Variants in RAD54B observed in about 807,000 individuals in gnomAD.
RAD54B encodes the protein DNA repair and recombination protein RAD54B.
Under a neutral mutation model 95.8 loss-of-function variants are expected in RAD54B, and 78 were observed. The observed-to-expected ratio is 0.81, with a 90% CI of 0.68 to 0.98. RAD54B has a LOEUF of 0.98. RAD54B is among the 50% of genes least tolerant of loss of function. The pLI is 0.00. For synonymous variants in RAD54B, 328 were observed against 354.9 expected, an observed-to-expected ratio of 0.92 and a Z score of 0.85; for missense variants, 957 against 1,056.6, an observed-to-expected ratio of 0.91 and a Z score of 1.31.
intron 3 of RAD54B, among the ~76,000 whole-genome samples, chr8:94,452,749 G>A (rs1481236676): frequency 2.0e-5 from 3 of 151,884 alleles, no homozygotes; most frequent in Non-Finnish European, 2.9e-5. Context: ...CACCCATCTC[G>A]GCCTCCCAAA....
chr8:94,372,677 T>A (rs1260611764), intron 14 of RAD54B, among the ~76,000 whole-genome samples: 2 of 152,174 alleles, frequency 1.3e-5, no homozygotes, highest in Non-Finnish European at 2.9e-5. Flanking sequence ...CTGAAAAATG[T>A]ATTACAAATT....
chr8:94,449,014 G>T (rs188479130), intron 3 of RAD54B, among the ~76,000 whole-genome samples: 7 of 149,978 alleles, frequency 4.7e-5, no homozygotes, highest in African/African-American at 7.4e-5. Context: ...ATATATGTAC[G>T]TGTGTGCACA....
intron 3 of RAD54B, 142 bp downstream of exon 3, chr8:94,458,126 C>T: frequency 1.4e-6 from 1 of 724,746 alleles, no homozygotes; most frequent in East Asian, 3.2e-5. Flanking sequence ...ATTATGACAA[C>T]AAAAAACCTG....
chr8:94,431,758 C>T, intron 3 of RAD54B: 1 of 996,256 alleles, frequency 1.0e-6, no homozygotes, highest in Non-Finnish European at 1.2e-6. Flanking sequence ...CTAAATTAGA[C>T]TGACTTAAAA....
At chr8:94,387,436 G>A (rs1810914627) in intron 10 of RAD54B, 2 of 246,068 alleles carry the variant, frequency 8.1e-6, no homozygotes, top group Non-Finnish European at 1.5e-5. Flanking sequence ...TGTAACTACA[G>A]GAAGTAGGAG....
At chr8:94,424,971 T>C (rs1586158813) in intron 3 of RAD54B, among the ~76,000 whole-genome samples, 1 of 148,874 alleles carries the variant, frequency 6.7e-6, no homozygotes, top group Non-Finnish European at 1.5e-5. Flanking sequence ...TTGAGGCAGG[T>C]AGGTTGCTTG....
At position 94,386,388 on chromosome 8, in the gene RAD54B, T is replaced by C. The variant is rs563481452; in HGVS notation, c.1985+596A>G. On this transcript the variant is annotated intron_variant, in intron 11 of 14. Coordinates refer to ENST00000336148, the MANE Select transcript of RAD54B (RefSeq NM_012415.3). ...TCACATGGTTTTGGACCTGGGAAGT[T>C]TGAAGTACTATAGGACATCAAGATA... 1.1e-4 allele frequency among the ~76,000 whole-genome samples: 16 copies of C among 152,262 alleles called. No homozygotes were observed. In the South Asian group the frequency reaches 3.3e-3, roughly 32 times the overall value.
intron 3 of RAD54B, among the ~76,000 whole-genome samples, chr8:94,414,835 A>G (rs1437138198): frequency 5.3e-5 from 8 of 152,154 alleles, no homozygotes; most frequent in South Asian, 4.1e-4. Context: ...CTTCAAGGAG[A>G]ACTACAAACC....
chr8:94,417,214 T>C (rs1158710284), intron 3 of RAD54B, among the ~76,000 whole-genome samples: 1 of 152,078 alleles, frequency 6.6e-6, no homozygotes, highest in Non-Finnish European at 1.5e-5. Flanking sequence ...AATAGATTAA[T>C]GGTTGCTTAG....
chr8:94,471,270 G>GT (rs1190635792), intron 1 of RAD54B, among the ~76,000 whole-genome samples: 3 of 70,572 alleles, frequency 4.3e-5, no homozygotes, highest in Admixed American at 3.3e-4. Context: ...ATGGGTGGCG[G>GT]GGGGGGGCAG....
chr8:94,388,807 G>A (rs1810950743), intron 10 of RAD54B, among the ~76,000 whole-genome samples: 1 of 152,192 alleles, frequency 6.6e-6, no homozygotes, highest in Non-Finnish European at 1.5e-5. Context: ...AGAAGTAGCT[G>A]CTGGCTGCTT....
chr8:94,403,958 T>C (rs1811320602), intron 6 of RAD54B, 119 bp downstream of exon 6: 2 of 815,202 alleles, frequency 2.5e-6, no homozygotes, highest in Middle Eastern at 3.7e-4. Context: ...TTCCTACCAA[T>C]TGAAATTCAT....
chr8:94,458,953 G>A (rs1812838992), intron 2 of RAD54B, among the ~76,000 whole-genome samples: 1 of 151,950 alleles, frequency 6.6e-6, no homozygotes, highest in Non-Finnish European at 1.5e-5. Context: ...AAAACTGAAT[G>A]ATATGACAGA....
At chr8:94,417,770 A>C (rs1209957227) in intron 3 of RAD54B, among the ~76,000 whole-genome samples, 1 of 152,224 alleles carries the variant, frequency 6.6e-6, no homozygotes, top group Non-Finnish European at 1.5e-5. Context: ...CTGAAAATTT[A>C]TCACTACTAG....
At chr8:94,409,773 T>C (rs1171972941) in intron 4 of RAD54B, among the ~76,000 whole-genome samples, 1 of 152,144 alleles carries the variant, frequency 6.6e-6, no homozygotes, top group African/African-American at 2.4e-5. Context: ...TATTATAAAC[T>C]ACACATATGC....
intron 3 of RAD54B, chr8:94,431,358 T>C (rs941521365): frequency 5.1e-6 from 5 of 984,578 alleles, no homozygotes; most frequent in African/African-American, 3.5e-5. Flanking sequence ...GGAACAAAAA[T>C]AGAGAGAGAA....
chr8:94,443,099 T>C lies in RAD54B; in HGVS notation c.304+15169A>G, dbSNP rs551662564. On this transcript the variant is annotated intron_variant, in intron 3 of 14. Transcript: ENST00000336148. The stretch of plus-strand genomic sequence containing the variant: ...TAAATCTCATGCTGACAATGTCAAT[T>C]ACAAGCTTACCTTCTTAGGTACACA... 2.0e-5 allele frequency among the ~76,000 whole-genome samples: 3 copies of C among 152,326 alleles called. No individual in the cohort carries two copies. In the East Asian group the frequency reaches 5.8e-4, roughly 29 times the overall value.
intron 11 of RAD54B, among the ~76,000 whole-genome samples, chr8:94,382,714 G>C (rs904889529): frequency 6.6e-6 from 1 of 152,088 alleles, no homozygotes; most frequent in African/African-American, 2.4e-5. Context: ...TAAATCACGG[G>C]GGCGGTTTCC....
At chr8:94,422,159 C>T (rs1811819617) in intron 3 of RAD54B, among the ~76,000 whole-genome samples, 1 of 152,098 alleles carries the variant, frequency 6.6e-6, no homozygotes, top group African/African-American at 2.4e-5. Context: ...CAGCCTTCCC[C>T]AGTAACTTAT....
Sources: gnomAD v4.1 joint callset for allele counts (sites outside exome capture counted in the v4.1 genomes callset) on GRCh38, gnomAD v4.1.1 for gene constraint, MANE v1.5 for transcripts, NCBI Gene and HGNC (gene_info 2026-07-23, HGNC 2026-07-21) for gene names.